The following GNB1 variants were observed in gnomAD, a reference collection of about 807,000 sequenced individuals.
GNB1 encodes guanine nucleotide-binding protein G(I)/G(S)/G(T) subunit beta-1.
GNB1 carries 2 observed loss-of-function variants against 42.9 expected under a neutral mutation model. The observed-to-expected ratio is 0.05, with a 90% CI of 0.02 to 0.15. GNB1 has a LOEUF of 0.15. GNB1 is among the 10% of genes least tolerant of loss of function. GNB1 has a pLI of 1.00. For missense variants in GNB1, 193 were observed against 462.2 expected, an observed-to-expected ratio of 0.42 and a Z score of 5.34; for synonymous variants, 183 against 174.7, an observed-to-expected ratio of 1.05 and a Z score of -0.38.
intron 1 of GNB1, among the ~76,000 whole-genome samples, chr1:1,886,913 C>T (rs1344843894): frequency 1.3e-5 from 2 of 152,116 alleles, no homozygotes; most frequent in Admixed American, 6.6e-5. Context: ...AGGGGTTTCA[C>T]CGTGTTAGCC....
intron 1 of GNB1, among the ~76,000 whole-genome samples, chr1:1,883,278 CAAA>C (rs70937202): frequency 1.7e-4 from 13 of 75,382 alleles, no homozygotes; most frequent in Non-Finnish European, 2.1e-4. Context: ...AACCCTGTCC[CAAA>C]AAAAAAAAAA....
chr1:1,828,660 G>C (rs1647031599), intron 2 of GNB1, among the ~76,000 whole-genome samples: 1 of 152,128 alleles, frequency 6.6e-6, no homozygotes, highest in Non-Finnish European at 1.5e-5. Flanking sequence ...CTTTTTCATA[G>C]TTAATAGCAG....
Position 1,786,251 on chromosome 1 carries a change from G to A in GNB1, c.*812C>T. The A allele has an allele frequency of 2.5e-6, 1 of 393,380 alleles. No homozygotes were observed. Among genetic ancestry groups the A allele is most frequent in the East Asian group, 3.6e-5 (1 of 27,820 alleles). The allele number at this position is 393,380 out of a possible 1,614,324, so 24.4% of individuals were successfully genotyped here. A position where few individuals can be genotyped will look rare whatever the true frequency, so the allele number is the denominator to read the frequency against. ...ATAAACTTCCCTCCAACTTCACAAG[G>A]AAACCCAAAGTGAGATTAAAAACTC... On this transcript the variant is annotated 3_prime_UTR_variant, in exon 12 of 12. Coordinates refer to ENST00000378609, the MANE Select transcript of GNB1 (RefSeq NM_002074.5).
rs550167417 is a variant in GNB1 at position 1,804,877 on chromosome 1, AGGCCGGGTGC to A, written c.268-306_268-297del. 5.5e-4 allele frequency among the ~76,000 whole-genome samples: 84 copies of A among 152,310 alleles called. 2 individuals are homozygous for A. In the South Asian group the frequency reaches 0.017, roughly 30 times the overall value. Reference sequence around the variant, plus strand: ...GCTGCCCACTCATCAAAACCACATTAGGCCGGGTGCGGTCACTCACGCCTGTAATCCCAGC... The same window carrying A: ...GCTGCCCACTCATCAAAACCACATTAGGTCACTCACGCCTGTAATCCCAGC... On this transcript the variant is annotated intron_variant, in intron 6 of 11. Coordinates refer to ENST00000378609, the MANE Select transcript of GNB1 (RefSeq NM_002074.5).
rs1303265723 is a variant in GNB1 at position 1,817,857 on chromosome 1, C to T, written c.76G>A (p.Ala26Thr). The T allele has an allele frequency of 3.1e-6, 5 of 1,612,500 alleles. No homozygotes were observed. The Admixed American group carries it at 8.3e-5, about 27-fold the overall frequency. The change falls in exon 4 of 12, where the codon GCA becomes ACA. Residue 26 changes from alanine to threonine, a missense_variant. Transcript: ENST00000378609. ...NQIRDARKAC[A>T]DATLSQITNN... ...CTTACCTGAGAGAGAGTTGCATCTGCACATGCTTTCCTGGCGTCCTGGGAA... is the reference window on the plus strand; with the variant it reads ...CTTACCTGAGAGAGAGTTGCATCTGTACATGCTTTCCTGGCGTCCTGGGAA...
At chr1:1,871,936 T>C (rs533219051) in intron 1 of GNB1, among the ~76,000 whole-genome samples, 25 of 152,182 alleles carry the variant, frequency 1.6e-4, no homozygotes, top group African/African-American at 6.0e-4. Context: ...CTCCTTAAAA[T>C]GACCTCTGTC....
At chr1:1,788,429 G>T (rs2100467179) in intron 10 of GNB1, 1 of 154,338 alleles carries the variant, frequency 6.5e-6, no homozygotes, top group South Asian at 2.0e-4. Flanking sequence ...GACTTGGCTG[G>T]AAATGGCTCC....
intron 1 of GNB1, among the ~76,000 whole-genome samples, chr1:1,870,460 T>TTG (rs1291335596): frequency 6.6e-6 from 1 of 152,238 alleles, no homozygotes; most frequent in East Asian, 1.9e-4. Context: ...ACAGGGATTA[T>TTG]AGTTATAAGC....
chr1:1,830,943 C>T (rs1647067493), intron 2 of GNB1, among the ~76,000 whole-genome samples: 2 of 152,108 alleles, frequency 1.3e-5, no homozygotes, highest in South Asian at 2.1e-4. Context: ...GCAGGTGGAT[C>T]ACCTGAGGTT....
chr1:1,846,149 G>C (rs1647653249), intron 1 of GNB1, among the ~76,000 whole-genome samples: 1 of 151,696 alleles, frequency 6.6e-6, no homozygotes, highest in Non-Finnish European at 1.5e-5. Context: ...ACGAACAATG[G>C]TAATGGAATA....
At chr1:1,890,001 A>C (rs1343065616) in intron 1 of GNB1, among the ~76,000 whole-genome samples, 2 of 152,092 alleles carry the variant, frequency 1.3e-5, no homozygotes, top group African/African-American at 4.8e-5. Flanking sequence ...GGGCCCCGAA[A>C]CTCGGCGCGG....
chr1:1,864,314 C>CAAAAAAAAAAAAAAAAAAAAAAAAAAA (rs1173466617), intron 1 of GNB1, among the ~76,000 whole-genome samples: 1 of 37,936 alleles, frequency 2.6e-5, no homozygotes. Flanking sequence ...AAGACTCTCT[C>CAAAAAAAAAAAAAAAAAAAAAAAAAAA]AAAAAAAAAA....
intron 1 of GNB1, among the ~76,000 whole-genome samples, chr1:1,862,835 G>C (rs1249660008): frequency 1.3e-5 from 2 of 152,148 alleles, no homozygotes; most frequent in African/African-American, 4.8e-5. Context: ...TCCCCGGTAA[G>C]GTATTACACG....
intron 5 of GNB1, among the ~76,000 whole-genome samples, chr1:1,813,489 C>T (rs1404844619): frequency 6.6e-6 from 1 of 152,172 alleles, no homozygotes; most frequent in South Asian, 2.1e-4. Flanking sequence ...TACTTATTTA[C>T]TTATTTATTT....
At position 1,814,750 on chromosome 1, in the gene GNB1, T is replaced by C. The variant is rs574096054; in HGVS notation, c.203+1006A>G. Among the ~76,000 whole-genome samples the C allele has an allele frequency of 6.7e-5, 9 of 135,034 alleles. No homozygotes were observed. In the Admixed American group the frequency reaches 7.5e-4, roughly 11 times the overall value. The allele number at this position is 135,034 out of a possible 152,430, so 88.6% of individuals were successfully genotyped here. A position where few individuals can be genotyped will look rare whatever the true frequency, so the allele number is the denominator to read the frequency against. ...CTAGGACGTCGAGGCTGCAGTGAGATATGATCACACCACTGCACTCCAGCA... is the reference window on the plus strand; with the variant it reads ...CTAGGACGTCGAGGCTGCAGTGAGACATGATCACACCACTGCACTCCAGCA... On this transcript the variant is annotated intron_variant, in intron 5 of 11. Coordinates refer to ENST00000378609, the MANE Select transcript of GNB1 (RefSeq NM_002074.5).
At chr1:1,818,797 A>C (rs975641884) in intron 3 of GNB1, among the ~76,000 whole-genome samples, 1 of 152,180 alleles carries the variant, frequency 6.6e-6, no homozygotes, top group South Asian at 2.1e-4. Flanking sequence ...CGGGAGGCGG[A>C]GGTTGCAGGG....
In GNB1 at chr1:1,797,124, C is replaced by T. The variant is rs376103959; in HGVS notation, c.431-3813G>A. The stretch of plus-strand genomic sequence containing the variant: ...ACACACAAGCGTGGCCAGATGCAGC[C>T]CTGTGAGGAAACTTACCCAAGAACG... On this transcript the variant is annotated intron_variant, in intron 7 of 11. Coordinates refer to ENST00000378609, the MANE Select transcript of GNB1 (RefSeq NM_002074.5). 3.9e-5 allele frequency among the ~76,000 whole-genome samples: 6 copies of T among 152,242 alleles called. No homozygotes were observed. The East Asian group carries it at 5.8e-4, about 15-fold the overall frequency.
rs555872242 is a variant in GNB1, at chr1:1,785,586, G to A, written c.*1477C>T. On this transcript the variant is annotated 3_prime_UTR_variant, in exon 12 of 12. Transcript: ENST00000378609. ...GCTGCTATGAAGGAGTGCGGGGGGC[G>A]GGGCGGGGGGTCCCACAGAACCTGC... 5.8e-5 allele frequency: 10 copies of A among 173,696 alleles called. No individual in the cohort carries two copies. In the South Asian group the frequency reaches 1.0e-3, roughly 17 times the overall value. The allele number at this position is 173,696 out of a possible 1,614,324, so 10.8% of individuals were successfully genotyped here.
chr1:1,871,989 G>C (rs563807876), intron 1 of GNB1, among the ~76,000 whole-genome samples: 16 of 151,562 alleles, frequency 1.1e-4, no homozygotes, highest in African/African-American at 3.9e-4. Flanking sequence ...TCAGCAATCT[G>C]AACAATCTTT....
Sources: gnomAD v4.1 joint callset for allele counts (sites outside exome capture counted in the v4.1 genomes callset) on GRCh38, gnomAD v4.1.1 for gene constraint, MANE v1.5 for transcripts, NCBI Gene and HGNC (gene_info 2026-07-23, HGNC 2026-07-21) for gene names.